SOAT1: variants seen among roughly 807,000 people sequenced by gnomAD.
SOAT1 encodes sterol O-acyltransferase 1, also known as acyl-coenzyme A:cholesterol acyltransferase 1.
Under a neutral mutation model 69.5 loss-of-function variants are expected in SOAT1, and 55 were observed. That is an observed-to-expected ratio of 0.79 (90% CI 0.64 to 0.99). SOAT1 has a LOEUF of 0.99. Among genes scored for constraint, SOAT1 ranks in the 50% least tolerant of loss-of-function variants. The pLI is 0.00. For synonymous variants in SOAT1, 231 were observed against 224.7 expected (o/e 1.03, Z -0.25); for missense variants, 580 against 669.3 (o/e 0.87, Z 1.47).
At chr1:179,337,079 T>TAG (rs1374528832) in intron 4 of SOAT1, among the ~76,000 whole-genome samples, 1 of 152,196 alleles carries the variant, frequency 6.6e-6, no homozygotes, top group Non-Finnish European at 1.5e-5. Context: ...AGTATATACT[T>TAG]TTCTAATTGA....
intron 15 of SOAT1, among the ~76,000 whole-genome samples, chr1:179,353,208 A>AATATATATAT (rs200860761): frequency 1.2e-4 from 1 of 8,214 alleles, no homozygotes; most frequent in Non-Finnish European, 3.0e-4. Flanking sequence ...GTTATATATA[A>AATATATATAT]ATATATATAT....
intron 4 of SOAT1, among the ~76,000 whole-genome samples, chr1:179,336,470 CAAAAAAAAAAAA>C (rs71569242): frequency 2.5e-5 from 2 of 79,074 alleles, no homozygotes; most frequent in African/African-American, 1.1e-4. Flanking sequence ...ACCCTGTCTC[CAAAAAAAAAAAA>C]AAAAAAAAAA....
chr1:179,334,816 G>T (rs1205857739), intron 3 of SOAT1, among the ~76,000 whole-genome samples: 1 of 151,874 alleles, frequency 6.6e-6, no homozygotes, highest in Non-Finnish European at 1.5e-5. Flanking sequence ...GGGAGTTGGA[G>T]ACCAGCCTGA....
intron 5 of SOAT1, among the ~76,000 whole-genome samples, chr1:179,338,798 G>C (rs935339026): frequency 6.6e-6 from 1 of 152,080 alleles, no homozygotes; most frequent in African/African-American, 2.4e-5. Context: ...CTATGGCTTA[G>C]ATGAGTTTTT....
At chr1:179,313,026 T>C (rs981854536) in intron 2 of SOAT1, among the ~76,000 whole-genome samples, 10 of 152,232 alleles carry the variant, frequency 6.6e-5, no homozygotes, top group African/African-American at 1.9e-4. Context: ...GGCAGTGACA[T>C]GCATGTCCTT....
intron 2 of SOAT1, among the ~76,000 whole-genome samples, chr1:179,312,499 C>T (rs1665253630): frequency 6.6e-6 from 1 of 152,200 alleles, no homozygotes; most frequent in South Asian, 2.1e-4. Context: ...CTTCTCGTGT[C>T]TCATTGGCCA....
At chr1:179,300,612 T>G (rs1664802660) in intron 1 of SOAT1, among the ~76,000 whole-genome samples, 1 of 152,216 alleles carries the variant, frequency 6.6e-6, no homozygotes, top group African/African-American at 2.4e-5. Flanking sequence ...AAACCCACCA[T>G]GTACTATATT....
rs372072220 is a variant in SOAT1 at position 179,341,254 on chromosome 1, G to A, written c.724G>A (p.Val242Ile). 13 of 1,613,974 alleles carry A rather than the reference G, an allele frequency of 8.1e-6. No homozygotes were observed. In the African/African-American group the frequency reaches 1.5e-4, roughly 18 times the overall value. The change falls in exon 7 of 16, where the codon GTT becomes ATT. Residue 242 changes from valine (V) to isoleucine (I), a missense_variant. Physicochemically the swap from Val to Ile is conservative, Grantham distance 29 (BLOSUM62 3). Transcript: ENST00000367619. ...AGTTCTAGGTTTTGGACCAACATAT[G>A]TTGTGTTAGCATATACACTGCCACC... ...IGVLGFGPTY[V>I]VLAYTLPPAS...
intron 5 of SOAT1, 56 bp from the exon 6 acceptor site, chr1:179,339,382 G>A: frequency 8.5e-7 from 1 of 1,178,780 alleles, no homozygotes; most frequent in Non-Finnish European, 1.2e-6. Context: ...AGATTTTATG[G>A]TGTTTTAAAT....
At position 179,293,902 on chromosome 1, in the gene SOAT1, T is replaced by C. The variant is rs993499411; in HGVS notation, c.-43T>C. The C allele has an allele frequency of 1.3e-5, 2 of 152,298 alleles. No homozygotes were observed. The highest frequency in any genetic ancestry group is 2.9e-5 in the Non-Finnish European group (2 of 68,088). The allele number at this position is 152,298 out of a possible 1,614,324, so 9.4% of individuals were successfully genotyped here. ...TGACCGCTTCCCGGCTCTGCCCTCT[T>C]GGCCGAAGTGCCCGCTGCCGGGCGC... On this transcript the variant is annotated 5_prime_UTR_variant, in exon 1 of 16. Transcript: ENST00000367619.
At chr1:179,327,915 A>G (rs1665845225) in intron 3 of SOAT1, among the ~76,000 whole-genome samples, 1 of 152,172 alleles carries the variant, frequency 6.6e-6, no homozygotes, top group African/African-American at 2.4e-5. Flanking sequence ...AAAGGTTTTC[A>G]GTATGTATTT....
intron 2 of SOAT1, among the ~76,000 whole-genome samples, chr1:179,320,882 C>T (rs184058876): frequency 8.6e-5 from 13 of 151,946 alleles, no homozygotes; most frequent in African/African-American, 2.2e-4. Context: ...TACAGGCGCA[C>T]GCCACCACGG....
chr1:179,320,789 G>T (rs1665569574), intron 2 of SOAT1, among the ~76,000 whole-genome samples: 1 of 152,054 alleles, frequency 6.6e-6, no homozygotes, highest in South Asian at 2.1e-4. Flanking sequence ...AAGCTGGAGT[G>T]CAGTGGCATA....
chr1:179,347,767 T>C lies in SOAT1; in HGVS notation c.1215+70T>C, dbSNP rs1056390227. On this transcript the variant is annotated intron_variant, in intron 12 of 15. Coordinates refer to ENST00000367619, the MANE Select transcript of SOAT1 (RefSeq NM_003101.6). ...TTCTTCATTATTAGTATTTTGACAT[T>C]GTTGGCTAATGTCACCAGCCTTTCA... 1.5e-5 allele frequency: 13 copies of C among 861,046 alleles called. No individual in the cohort carries two copies. In the African/African-American group the frequency reaches 1.9e-4, roughly 12 times the overall value. 53.3% of individuals were successfully genotyped at this position (861,046 alleles called of 1,614,324 possible). A position where few individuals can be genotyped will look rare whatever the true frequency, so the allele number is the denominator to read the frequency against.
intron 2 of SOAT1, among the ~76,000 whole-genome samples, chr1:179,311,955 G>A (rs1665234022): frequency 1.3e-5 from 2 of 152,172 alleles, no homozygotes; most frequent in South Asian, 4.1e-4. Flanking sequence ...AAAAAGAGAT[G>A]GGCTACTCTT....
At chr1:179,326,026 A>G (rs1057448109) in intron 3 of SOAT1, among the ~76,000 whole-genome samples, 39 of 152,192 alleles carry the variant, frequency 2.6e-4, no homozygotes, top group Non-Finnish European at 7.3e-5. Context: ...AGAGTTGTGC[A>G]AGACTTGTTC....
intron 2 of SOAT1, among the ~76,000 whole-genome samples, chr1:179,323,045 C>CTTCT (rs1553245423): frequency 7.9e-6 from 1 of 126,740 alleles, no homozygotes; most frequent in African/African-American, 3.0e-5. Flanking sequence ...TCTTTTCTTT[C>CTTCT]TTTTTTTTTT....
At chr1:179,318,906 T>C (rs1371262221) in intron 2 of SOAT1, among the ~76,000 whole-genome samples, 2 of 152,346 alleles carry the variant, frequency 1.3e-5, no homozygotes, top group African/African-American at 2.4e-5. Context: ...ATGCTGCCCA[T>C]GAATATTCAT....
At chr1:179,333,792 C>T (rs1343796977) in intron 3 of SOAT1, among the ~76,000 whole-genome samples, 1 of 93,246 alleles carries the variant, frequency 1.1e-5, no homozygotes, top group Non-Finnish European at 2.3e-5. Context: ...AGTATCATGC[C>T]GTTGCCCTCT....
Sources: allele counts gnomAD v4.1 joint callset (sites outside exome capture counted in the v4.1 genomes callset), GRCh38; gene constraint gnomAD v4.1.1; transcripts MANE v1.5; gene names NCBI Gene and HGNC (gene_info 2026-07-23, HGNC 2026-07-21).